NBPF15: variants seen among roughly 807,000 people sequenced by gnomAD.
NBPF15 encodes the protein NBPF member 15, also known as NBPF family member NBPF15.
Under a neutral mutation model 62.2 loss-of-function variants are expected in NBPF15, and 74 were observed. The ratio of observed to expected loss-of-function variants is 1.19; its 90% CI spans 0.99 to 1.44. The LOEUF (loss-of-function observed/expected upper bound fraction) is 1.44, where lower values mean the gene tolerates loss of function less well. NBPF15 is among the 40% of genes most tolerant of loss of function. The pLI, the probability that NBPF15 is intolerant of heterozygous loss-of-function variation, is 0.00. For missense variants in NBPF15, 790 were observed against 550.0 expected (o/e 1.44, Z -4.36); for synonymous variants, 244 against 209.7 (o/e 1.16, Z -1.41).
At chr1:144,458,769 G>T (rs1269871312) in intron 3 of NBPF15, among the ~76,000 whole-genome samples, 1 of 152,138 alleles carries the variant, frequency 6.6e-6, no homozygotes, top group Non-Finnish European at 1.5e-5. Flanking sequence ...GCCGGGTGGG[G>T]TGGCTCATGC....
chr1:144,448,241 C>T (rs61812373), intron 6 of NBPF15, among the ~76,000 whole-genome samples: 1 of 152,194 alleles, frequency 6.6e-6, no homozygotes, highest in African/African-American at 2.4e-5. Context: ...AAATGTTCCT[C>T]TGGCTCTGAT....
chr1:144,440,164 C>T lies in NBPF15; in HGVS notation c.-59G>A, dbSNP rs1458960558. 4 of 1,567,442 alleles carry T rather than the reference C, an allele frequency of 2.6e-6. No individual in the cohort carries two copies. In the East Asian group the frequency reaches 6.7e-5, roughly 26 times the overall value. ...ACTGTTGTCAAAAATGTGATCACTCCCCACAGCACTTTAGGATCCTTCACC... is the reference window on the plus strand; with the variant it reads ...ACTGTTGTCAAAAATGTGATCACTCTCCACAGCACTTTAGGATCCTTCACC... On this transcript the variant is annotated 5_prime_UTR_variant, in exon 7 of 22. Transcript: ENST00000581897.
At chr1:144,427,778 A>G (rs1255219233) in intron 16 of NBPF15, 40 bp downstream of exon 16, 1 of 616,648 alleles carries the variant, frequency 1.6e-6, no homozygotes, top group Non-Finnish European at 2.9e-6. Context: ...TAACCAGAAG[A>G]CTCAGTGGAT....
chr1:144,441,435 A>G lies in NBPF15; in HGVS notation c.-190-1140T>C, dbSNP rs1429433709. ...ATTTAGATATCTTCTTATGGAAAAT[A>G]TCTTCTCAAATTTTTATATTCATTG... On this transcript the variant is annotated intron_variant, in intron 6 of 21. Coordinates refer to ENST00000581897, the MANE Select transcript of NBPF15 (RefSeq NM_001385408.1). Among the ~76,000 whole-genome samples the G allele has an allele frequency of 2.6e-5, 4 of 151,074 alleles. No individual in the cohort carries two copies. The Middle Eastern group carries it at 0.01, about 388-fold the overall frequency.
chr1:144,448,144 T>C (rs1688883279), intron 6 of NBPF15, among the ~76,000 whole-genome samples: 1 of 152,052 alleles, frequency 6.6e-6, no homozygotes, highest in Non-Finnish European at 1.5e-5. Context: ...CTCCAATGAA[T>C]TGTGGGCACA....
At chr1:144,424,239 C>A (rs1361125500) in intron 20 of NBPF15, among the ~76,000 whole-genome samples, 2 of 151,816 alleles carry the variant, frequency 1.3e-5, no homozygotes, top group African/African-American at 2.4e-5. Context: ...ACAGTTATGC[C>A]ATATTTTTCC....
intron 4 of NBPF15, among the ~76,000 whole-genome samples, chr1:144,454,934 C>T (rs1175211708): frequency 1.3e-5 from 2 of 151,072 alleles, no homozygotes; most frequent in Non-Finnish European, 2.9e-5. Flanking sequence ...AAGACAGAAG[C>T]AGCTCCAGAG....
rs1677402107 is a variant in NBPF15 at position 144,435,332 on chromosome 1, GGACAGAGAT to G, written c.567-25_567-17del. Reference sequence around the variant, plus strand: ...CTGCATCTCCCTGATGAGCCAGGTGGGACAGAGATGACAGAAGATTAAACACAGAGGGAT... The same window carrying G: ...CTGCATCTCCCTGATGAGCCAGGTGGGACAGAAGATTAAACACAGAGGGAT... On this transcript the variant is annotated splice_polypyrimidine_tract_variant and intron_variant, in intron 11 of 21. Transcript: ENST00000581897. 6.6e-7 allele frequency: 1 copy of G among 1,503,892 alleles called. No homozygotes were observed. Among genetic ancestry groups the G allele is most frequent in the African/African-American group, 1.4e-5 (1 of 72,622 alleles). The allele number at this position is 1,503,892 out of a possible 1,614,324, so 93.2% of individuals were successfully genotyped here.
Position 144,427,130 on chromosome 1 carries a change from T to G in NBPF15, c.1214-32A>C, listed in dbSNP as rs1476159256. 60 of 562,240 alleles carry G rather than the reference T, an allele frequency of 1.1e-4. 1 individual carries two copies. Among genetic ancestry groups the G allele is most frequent in the Admixed American group, 1.6e-4 (5 of 30,842 alleles). 34.8% of individuals were successfully genotyped at this position (562,240 alleles called of 1,614,324 possible). On this transcript the variant is annotated intron_variant, in intron 16 of 21. Coordinates refer to ENST00000581897, the MANE Select transcript of NBPF15 (RefSeq NM_001385408.1). ...TAAGTTCAGACATGGACAGACATATTAAGCTGGTTCTCCTACACACATAAC... is the reference window on the plus strand; with the variant it reads ...TAAGTTCAGACATGGACAGACATATGAAGCTGGTTCTCCTACACACATAAC...
At chr1:144,424,068 C>G in intron 20 of NBPF15, 93 bp from the exon 21 acceptor site, 1 of 757,936 alleles carries the variant, frequency 1.3e-6, no homozygotes, top group South Asian at 1.4e-5. Context: ...GGACCTCAGG[C>G]TCCTCAGCAT....
Position 144,422,975 on chromosome 1 carries a change from C to T in NBPF15, c.*38G>A, listed in dbSNP as rs1571099316. 2 of 1,611,584 alleles carry T rather than the reference C, an allele frequency of 1.2e-6. No homozygotes were observed. Reference sequence around the variant, plus strand: ...AATCTTCTCGTGCCTATAGGTCCTGCCTGCAGGAATGACATCTCTCGGCTT... The same window carrying T: ...AATCTTCTCGTGCCTATAGGTCCTGTCTGCAGGAATGACATCTCTCGGCTT... On this transcript the variant is annotated 3_prime_UTR_variant, in exon 22 of 22. Coordinates refer to ENST00000581897, the MANE Select transcript of NBPF15 (RefSeq NM_001385408.1).
At chr1:144,434,041 C>G (rs1350498425) in intron 12 of NBPF15, among the ~76,000 whole-genome samples, 1 of 144,978 alleles carries the variant, frequency 6.9e-6, no homozygotes, top group Non-Finnish European at 1.5e-5. Flanking sequence ...TACGTGTAGA[C>G]CATAATGACA....
intron 20 of NBPF15, 148 bp from the exon 21 acceptor site, chr1:144,424,123 C>T (rs1667811496): frequency 4.1e-6 from 3 of 729,882 alleles, no homozygotes; most frequent in Admixed American, 1.9e-5. Flanking sequence ...GGTCTGAAGG[C>T]TGGTCATGAT....
intron 6 of NBPF15, among the ~76,000 whole-genome samples, chr1:144,442,294 ATATATATATACACGTGTATATAT>A (rs1684026626): frequency 1.6e-5 from 2 of 128,680 alleles, no homozygotes; most frequent in South Asian, 4.6e-4. Context: ...TATATATTAT[ATATATATATACACGTGTATATAT>A]TATATATATA....
In NBPF15 at chr1:144,437,373, A is replaced by C. The variant is rs1242730642; in HGVS notation, c.279-264T>G. Among the ~76,000 whole-genome samples the C allele has an allele frequency of 1.1e-4, 17 of 150,248 alleles. No homozygotes were observed. In the East Asian group the frequency reaches 3.4e-3, roughly 30 times the overall value. The stretch of plus-strand genomic sequence containing the variant: ...GTAAACAAAAGTAGGTGTCTTCCTA[A>C]TTCCGTTTCAAAAAGACATCCTTTC... On this transcript the variant is annotated intron_variant, in intron 9 of 21. Coordinates refer to ENST00000581897, the MANE Select transcript of NBPF15 (RefSeq NM_001385408.1).
At chr1:144,428,990 GC>G (rs1672163623) in intron 14 of NBPF15, among the ~76,000 whole-genome samples, 1 of 151,938 alleles carries the variant, frequency 6.6e-6, no homozygotes, top group Non-Finnish European at 1.5e-5. Context: ...TCAATATTAA[GC>G]TTTCTCTCAT....
intron 6 of NBPF15, among the ~76,000 whole-genome samples, chr1:144,445,446 T>A (rs1182974577): frequency 6.8e-6 from 1 of 147,668 alleles, no homozygotes; most frequent in Non-Finnish European, 1.5e-5. Context: ...TACATGTGAG[T>A]ATCTATTTCT....
In NBPF15 at chr1:144,436,938, C is replaced by G. The variant is rs1454126912; in HGVS notation, c.450G>C (p.Glu150Asp). 8 of 1,612,088 alleles carry G rather than the reference C, an allele frequency of 5.0e-6. No individual in the cohort carries two copies. The highest frequency in any genetic ancestry group is 4.4e-5 in the South Asian group (4 of 90,982). Residue 150 changes from glutamate to aspartate, a missense_variant, in exon 10 of 22, where the codon GAG (glutamate) becomes GAC (aspartate). Physicochemically the swap from Glu to Asp is conservative, Grantham distance 45 (BLOSUM62 2). Coordinates refer to ENST00000581897, the MANE Select transcript of NBPF15 (RefSeq NM_001385408.1). The part of the protein sequence containing the change: ...QGQDLQEQLA[E>D]GCRLTQHLVQ... Reference sequence around the variant, plus strand: ...CAAGGTGCTGTGTCAGTCTACACCCCTCAGCCAGCTGTTCTTGGAGGTCCT... The same window carrying G: ...CAAGGTGCTGTGTCAGTCTACACCCGTCAGCCAGCTGTTCTTGGAGGTCCT...
In NBPF15 at chr1:144,435,395, G is replaced by C. The variant is rs1400516978; in HGVS notation, c.567-79C>G. The C allele has an allele frequency of 2.8e-6, 4 of 1,417,490 alleles. No individual in the cohort carries two copies. The East Asian group carries it at 9.1e-5, about 32-fold the overall frequency. 87.8% of individuals were successfully genotyped at this position (1,417,490 alleles called of 1,614,324 possible). ...ACCCCAGGGAGTCCTAGCTGGTTTT[G>C]ACAGGCGGCATTAAGAGAGTGGTCC... On this transcript the variant is annotated intron_variant, in intron 11 of 21. Coordinates refer to ENST00000581897, the MANE Select transcript of NBPF15 (RefSeq NM_001385408.1).
Sources: allele counts gnomAD v4.1 joint callset (sites outside exome capture counted in the v4.1 genomes callset), GRCh38; gene constraint gnomAD v4.1.1; transcripts MANE v1.5; gene names NCBI Gene and HGNC (gene_info 2026-07-23, HGNC 2026-07-21).